Variants in FBXL16 observed in about 807,000 individuals in gnomAD.
FBXL16 encodes the protein F-box and leucine rich repeat protein 16.
In FBXL16, 7 loss-of-function variants were observed where a neutral mutation model predicts 36.7. That is an observed-to-expected ratio of 0.19 (90% CI 0.11 to 0.36). The LOEUF is 0.36. Ranked by LOEUF, FBXL16 falls within the 10% of genes least tolerant of loss-of-function variation. The pLI, the probability that FBXL16 is intolerant of heterozygous loss-of-function variation, is 1.00. For synonymous variants in FBXL16, 355 were observed against 308.7 expected (o/e 1.15, Z -1.57); for missense variants, 463 against 659.4 (o/e 0.70, Z 3.26).
chr16:705,313 G>A (rs1220431295), intron 1 of FBXL16, among the ~76,000 whole-genome samples, 199 bp downstream of exon 1: 2 of 152,078 alleles, frequency 1.3e-5, no homozygotes, highest in African/African-American at 2.4e-5. Flanking sequence ...CCGGGGCGCG[G>A]GGCTGCGGGA....
In FBXL16 at chr16:696,839, C is replaced by A. The variant is rs142135051; in HGVS notation, c.567G>T (p.Ala189=). 1.3e-6 allele frequency: 2 copies of A among 1,599,296 alleles called. No individual in the cohort carries two copies. The highest frequency in any genetic ancestry group is 1.3e-5 in the African/African-American group (1 of 74,288). The stretch of plus-strand genomic sequence containing the variant: ...TGGCTTTGACACCCTTCTTGGAGAG[C>A]GCATAGTTGTCAATGAACTCACAGA... ...LDICEFIDNY[A]LSKKGVKAMS... is the part of the protein sequence containing the mutation. Residue 189 remains alanine (A), a synonymous_variant, in exon 2 of 6, where the codon GCG becomes GCT. Coordinates refer to ENST00000397621, the MANE Select transcript of FBXL16 (RefSeq NM_153350.4).
intron 4 of FBXL16, 106 bp from the exon 5 acceptor site, chr16:694,803 T>G: frequency 7.5e-7 from 1 of 1,332,478 alleles, no homozygotes. Context: ...GGTTCCTCCG[T>G]CCCCCCCGGA....
In FBXL16 at chr16:698,929, A is replaced by AAAAG. The variant is rs1157928691; in HGVS notation, c.-14-1514_-14-1511dup. On this transcript the variant is annotated intron_variant, in intron 1 of 5. Coordinates refer to ENST00000397621, the MANE Select transcript of FBXL16 (RefSeq NM_153350.4). ...ACTTTGTCTCAAAAAAAAAAAAAAA[A>AAAAG]AAAGAAAGAAAGAAAGAAAAAGAAA... Among the ~76,000 whole-genome samples, 89 of 87,816 alleles carry AAAAG rather than the reference A, an allele frequency of 1.0e-3. 1 individual carries two copies. Among genetic ancestry groups the AAAAG allele is most frequent in the South Asian group, 3.2e-3 (6 of 1,860 alleles). 57.6% of individuals were successfully genotyped at this position (87,816 alleles called of 152,430 possible). A position where few individuals can be genotyped will look rare whatever the true frequency, so the allele number is the denominator to read the frequency against.
chr16:703,130 G>A (rs917679779), intron 1 of FBXL16, among the ~76,000 whole-genome samples: 13 of 152,170 alleles, frequency 8.5e-5, no homozygotes, highest in Non-Finnish European at 1.8e-4. Flanking sequence ...CAGGGTCCTC[G>A]CTCTGCCCTG....
chr16:694,724 C>G (rs778175775), intron 4 of FBXL16, 27 bp from the exon 5 acceptor site: 11 of 1,589,108 alleles, frequency 6.9e-6, no homozygotes, highest in Non-Finnish European at 8.6e-6. Flanking sequence ...AGCGACTTAA[C>G]GATTTCCGCT....
rs2039980446 is a variant in FBXL16, at chr16:692,778, A to T, written c.*1497T>A. The T allele has an allele frequency of 6.6e-6, 1 of 152,110 alleles. No homozygotes were observed. 9.4% of individuals were successfully genotyped at this position (152,110 alleles called of 1,614,324 possible). Reference sequence around the variant, plus strand: ...CTCCCCACTAGGGGTTGTGGGGAGGAGGGGCTGGAGAAACTGGCTCCTGAC... The same window carrying T: ...CTCCCCACTAGGGGTTGTGGGGAGGTGGGGCTGGAGAAACTGGCTCCTGAC... On this transcript the variant is annotated 3_prime_UTR_variant, in exon 6 of 6. Coordinates refer to ENST00000397621, the MANE Select transcript of FBXL16 (RefSeq NM_153350.4).
chr16:694,762 T>C (rs989759638), intron 4 of FBXL16, 65 bp from the exon 5 acceptor site: 5 of 1,508,294 alleles, frequency 3.3e-6, no homozygotes, highest in African/African-American at 2.8e-5. Context: ...CACCCTGGGG[T>C]CCATGGAGGG....
chr16:696,521 C>T (rs2040012451), intron 2 of FBXL16, among the ~76,000 whole-genome samples: 1 of 152,218 alleles, frequency 6.6e-6, no homozygotes, highest in African/African-American at 2.4e-5. Flanking sequence ...GCCTCGGCCT[C>T]CCATAGTGCC....
In FBXL16 at chr16:700,480, A is replaced by AG. The variant is rs528523289; in HGVS notation, c.-14-3062dup. Reference sequence around the variant, plus strand: ...ATGATTCGACCTCACGGCCGCCCTTAGGGGTGGAGGGGTCGCTACCTCAGG... The same window carrying AG: ...ATGATTCGACCTCACGGCCGCCCTTAGGGGGTGGAGGGGTCGCTACCTCAGG... On this transcript the variant is annotated intron_variant, in intron 1 of 5. Coordinates refer to ENST00000397621, the MANE Select transcript of FBXL16 (RefSeq NM_153350.4). 7.2e-3 allele frequency among the ~76,000 whole-genome samples: 1,093 copies of AG among 152,178 alleles called. 19 individuals carry two copies. Among genetic ancestry groups the AG allele is most frequent in the African/African-American group, 0.025 (1,043 of 41,530 alleles).
In FBXL16 at chr16:697,415, A is replaced by G; in HGVS notation, c.-10T>C. On this transcript the variant is annotated 5_prime_UTR_variant, in exon 2 of 6. Coordinates refer to ENST00000397621, the MANE Select transcript of FBXL16 (RefSeq NM_153350.4). The surrounding 1 kb of genome is among the most constrained non-coding windows in gnomAD (Gnocchi z 4.6). ...TGCCCGGGCTCGACATCTTCCTGGC[A>G]CGCTCTGTGGATGAGGGCCGGGAGG... 4 of 1,529,416 alleles carry G rather than the reference A, an allele frequency of 2.6e-6. No homozygotes were observed. Among genetic ancestry groups the G allele is most frequent in the Non-Finnish European group, 3.5e-6 (4 of 1,143,680 alleles). 94.7% of individuals were successfully genotyped at this position (1,529,416 alleles called of 1,614,324 possible). A position where few individuals can be genotyped will look rare whatever the true frequency, so the allele number is the denominator to read the frequency against.
At chr16:694,572 CG>C in intron 5 of FBXL16, 61 bp downstream of exon 5, 2 of 1,537,524 alleles carry the variant, frequency 1.3e-6, no homozygotes, top group Non-Finnish European at 1.8e-6. Context: ...GCAGGTTGGG[CG>C]GGTGGACTAA....
intron 1 of FBXL16, among the ~76,000 whole-genome samples, chr16:703,512 G>T (rs2151522981): frequency 6.6e-6 from 1 of 152,360 alleles, no homozygotes; most frequent in South Asian, 2.1e-4. Flanking sequence ...GGCTCCATCT[G>T]CAGTGGCAGC....
At chr16:699,478 C>A (rs950849226) in intron 1 of FBXL16, among the ~76,000 whole-genome samples, 1 of 152,218 alleles carries the variant, frequency 6.6e-6, no homozygotes, top group Admixed American at 6.5e-5. Context: ...CACCCTGGCT[C>A]TGTGGTCTTG....
chr16:696,759 A>G lies in FBXL16; in HGVS notation c.633+14T>C. The G allele has an allele frequency of 5.3e-6, 1 of 188,930 alleles. No homozygotes were observed. Among genetic ancestry groups the G allele is most frequent in the East Asian group, 1.1e-4 (1 of 8,710 alleles). 11.7% of individuals were successfully genotyped at this position (188,930 alleles called of 1,614,324 possible). On this transcript the variant is annotated intron_variant, in intron 2 of 5. Transcript: ENST00000397621. The stretch of plus-strand genomic sequence containing the variant: ...CTGCCCCCCAGCCCTGTCCCCCCCG[A>G]GCCTGGTGCACACCTCGAGGCCTGC...
intron 1 of FBXL16, among the ~76,000 whole-genome samples, chr16:700,792 C>T (rs2151522143): frequency 6.6e-6 from 1 of 152,152 alleles, no homozygotes; most frequent in East Asian, 1.9e-4. Flanking sequence ...GCGCCAGCAC[C>T]ATGGACAGCG....
chr16:701,191 G>A (rs1465604939), intron 1 of FBXL16, among the ~76,000 whole-genome samples: 1 of 152,172 alleles, frequency 6.6e-6, no homozygotes, highest in African/African-American at 2.4e-5. Context: ...CACTTTGAGA[G>A]CCCACAGGAG....
At position 692,781 on chromosome 16, in the gene FBXL16, G is replaced by A. The variant is rs1164259821; in HGVS notation, c.*1494C>T. 1 of 152,406 alleles carries A rather than the reference G, an allele frequency of 6.6e-6. No homozygotes were observed. Among genetic ancestry groups the A allele is most frequent in the Admixed American group, 6.5e-5 (1 of 15,280 alleles). 9.4% of individuals were successfully genotyped at this position (152,406 alleles called of 1,614,324 possible). A position where few individuals can be genotyped will look rare whatever the true frequency, so the allele number is the denominator to read the frequency against. On this transcript the variant is annotated 3_prime_UTR_variant, in exon 6 of 6. Coordinates refer to ENST00000397621, the MANE Select transcript of FBXL16 (RefSeq NM_153350.4). Reference sequence around the variant, plus strand: ...CCCACTAGGGGTTGTGGGGAGGAGGGGCTGGAGAAACTGGCTCCTGACCAC... The same window carrying A: ...CCCACTAGGGGTTGTGGGGAGGAGGAGCTGGAGAAACTGGCTCCTGACCAC...
At chr16:698,145 G>A (rs1018964637) in intron 1 of FBXL16, among the ~76,000 whole-genome samples, 7 of 151,908 alleles carry the variant, frequency 4.6e-5, no homozygotes, top group Admixed American at 2.0e-4. Flanking sequence ...CTGGGAATTC[G>A]GGCGCCCACC....
intron 1 of FBXL16, among the ~76,000 whole-genome samples, chr16:702,077 CACATGT>C (rs1009780502): frequency 2.2e-4 from 33 of 152,280 alleles, no homozygotes; most frequent in African/African-American, 7.5e-4. Context: ...TGGGGGTCCC[CACATGT>C]ACATGTACAG....
Sources: gnomAD v4.1 joint callset for allele counts (sites outside exome capture counted in the v4.1 genomes callset) on GRCh38, gnomAD v4.1.1 for gene constraint, Gnocchi (gnomAD v3.1) non-coding constraint, MANE v1.5 for transcripts, NCBI Gene and HGNC (gene_info 2026-07-23, HGNC 2026-07-21) for gene names.